CAP2: variants seen among roughly 807,000 people sequenced by gnomAD.
CAP2 encodes adenylyl cyclase-associated protein 2.
CAP2 carries 24 observed loss-of-function variants against 57.7 expected under a neutral mutation model. That is an observed-to-expected ratio of 0.42 (90% CI 0.30 to 0.58). CAP2 has a LOEUF of 0.58. Among genes scored for constraint, CAP2 ranks in the 20% least tolerant of loss-of-function variants. The probability of loss-of-function intolerance (pLI) is 0.22; values close to 1 mark genes in which losing one functional copy is unlikely to be tolerated. For missense variants in CAP2, 501 were observed against 590.3 expected (o/e 0.85, Z 1.57); for synonymous variants, 194 against 207.2 (o/e 0.94, Z 0.55).
At chr6:17,548,036 A>T (rs1763091059) in intron 11 of CAP2, among the ~76,000 whole-genome samples, 1 of 151,998 alleles carries the variant, frequency 6.6e-6, no homozygotes, top group Admixed American at 6.6e-5. Context: ...ACATGCAAAA[A>T]TCAATAGCAT....
chr6:17,424,353 T>TTG (rs1759527199), intron 2 of CAP2, among the ~76,000 whole-genome samples: 1 of 152,096 alleles, frequency 6.6e-6, no homozygotes, highest in African/African-American at 2.4e-5. Context: ...TGAGCCGAGA[T>TTG]CGCGCCACTG....
intron 4 of CAP2, among the ~76,000 whole-genome samples, chr6:17,497,383 G>A (rs1450523571): frequency 6.6e-6 from 1 of 152,176 alleles, no homozygotes; most frequent in Non-Finnish European, 1.5e-5. Flanking sequence ...GTAAGAGTTG[G>A]TATCTTCTCA....
At chr6:17,533,770 G>T (rs764893245) in intron 7 of CAP2, among the ~76,000 whole-genome samples, 1 of 152,030 alleles carries the variant, frequency 6.6e-6, no homozygotes, top group Non-Finnish European at 1.5e-5. Context: ...ATTTCACCCT[G>T]TTGGCCAGGA....
At chr6:17,521,258 CA>C (rs71536733) in intron 7 of CAP2, among the ~76,000 whole-genome samples, 61 of 147,494 alleles carry the variant, frequency 4.1e-4, no homozygotes, top group African/African-American at 1.0e-3. Context: ...ACTAAAAATA[CA>C]AAAAAAAAAA....
intron 3 of CAP2, among the ~76,000 whole-genome samples, chr6:17,460,005 A>G (rs188574513): frequency 2.0e-5 from 3 of 152,366 alleles, no homozygotes; most frequent in East Asian, 3.9e-4. Context: ...TCCAGGAAAT[A>G]TACTATGGAA....
At chr6:17,491,715 G>A (rs915317179) in intron 4 of CAP2, among the ~76,000 whole-genome samples, 5 of 152,222 alleles carry the variant, frequency 3.3e-5, no homozygotes, top group Non-Finnish European at 5.9e-5. Flanking sequence ...CTAGCCAGAT[G>A]ATCTTGGGCA....
intron 4 of CAP2, among the ~76,000 whole-genome samples, chr6:17,506,678 T>G (rs1233162316): frequency 6.6e-6 from 1 of 151,216 alleles, no homozygotes; most frequent in Non-Finnish European, 1.5e-5. Flanking sequence ...CAGTGAAAGA[T>G]TTCCACTTTT....
chr6:17,464,195 G>A (rs76464554), intron 4 of CAP2, among the ~76,000 whole-genome samples: 3,699 of 152,066 alleles, frequency 0.024, 158 homozygotes, highest in African/African-American at 0.084. Context: ...AAAAAGTAGT[G>A]GCACTACCAG....
At position 17,496,025 on chromosome 6, in the gene CAP2, G is replaced by GGCGGC. The variant is rs143166425; in HGVS notation, c.301-11143_301-11142insCGGCG. ...AGCAACTGCTGTGCATGCGTGTGTG[G>GGCGGC]GTGGGGGGGGGGGGTAAGTCAGGGA... On this transcript the variant is annotated intron_variant, in intron 4 of 12. Transcript: ENST00000229922. Among the ~76,000 whole-genome samples the GGCGGC allele has an allele frequency of 4.8e-4, 53 of 110,708 alleles. 2 individuals are homozygous for GGCGGC. Among genetic ancestry groups the GGCGGC allele is most frequent in the African/African-American group, 1.5e-3 (47 of 31,002 alleles). 72.6% of individuals were successfully genotyped at this position (110,708 alleles called of 152,430 possible). A position where few individuals can be genotyped will look rare whatever the true frequency, so the allele number is the denominator to read the frequency against.
At chr6:17,509,111 G>T (rs994139711) in intron 6 of CAP2, among the ~76,000 whole-genome samples, 1 of 151,810 alleles carries the variant, frequency 6.6e-6, no homozygotes, top group Non-Finnish European at 1.5e-5. Context: ...CAGAAGAAAA[G>T]GGTCTACAAC....
At position 17,400,410 on chromosome 6, in the gene CAP2, T is replaced by C. The variant is rs142804999; in HGVS notation, c.-2+6664T>C. Among the ~76,000 whole-genome samples, 238 of 152,328 alleles carry C rather than the reference T, an allele frequency of 1.6e-3. 2 individuals carry two copies. Among genetic ancestry groups the C allele is most frequent in the African/African-American group, 5.5e-3 (229 of 41,570 alleles). ...CTCCCCCTATGTTGAGTGACTGCTA[T>C]ATCCCTAGCATCTGGGGATGCAAAA... On this transcript the variant is annotated intron_variant, in intron 1 of 12. Transcript: ENST00000229922.
At position 17,541,104 on chromosome 6, in the gene CAP2, A is replaced by G; in HGVS notation, c.958A>G (p.Lys320Glu). The G allele has an allele frequency of 6.2e-7, 1 of 1,613,998 alleles. No homozygotes were observed. Among genetic ancestry groups the G allele is most frequent in the Non-Finnish European group, 8.5e-7 (1 of 1,179,934 alleles). Reference protein sequence around the residue: ...PTSPKSYPSQKHAPVLELEGK... With the variant: ...PTSPKSYPSQEHAPVLELEGK... ...ATCTCCTAAATCTTATCCTTCTCAA[A>G]AACATGCCCCAGTGTTGGAGTTGGA... The change falls in exon 9 of 13, where the codon AAA becomes GAA. Residue 320 changes from lysine to glutamate, a missense_variant. By Grantham distance (56) the Lys-to-Glu change is moderately conservative. Transcript: ENST00000229922.
chr6:17,409,564 T>G (rs1005645879), intron 1 of CAP2, among the ~76,000 whole-genome samples: 8 of 152,152 alleles, frequency 5.3e-5, no homozygotes, highest in Non-Finnish European at 1.2e-4. Context: ...GTTGCAAAGT[T>G]CACTTCATGG....
chr6:17,425,940 C>A (rs141699061), intron 2 of CAP2, among the ~76,000 whole-genome samples: 1,822 of 151,972 alleles, frequency 0.012, 12 homozygotes, highest in Non-Finnish European at 0.017. Flanking sequence ...ACAAAAACTA[C>A]AAAAATTAAC....
chr6:17,414,285 TA>T (rs34676962), intron 1 of CAP2, among the ~76,000 whole-genome samples: 15,184 of 151,366 alleles, frequency 0.1, 2,565 homozygotes, highest in African/African-American at 0.35. Flanking sequence ...TATTTCTTCT[TA>T]AAAAAAACAC....
chr6:17,539,289 A>G lies in CAP2; in HGVS notation c.657A>G (p.Val219=). ...CTCAGGGTCCTGTAGCATCCACAGT[A>G]TCAGCGTTTTCTGTCCTCTCCTCTG... The part of the protein sequence containing the change: ...WSKTGPVAST[V]SAFSVLSSGP... The change falls in exon 8 of 13, where the codon GTA becomes GTG. Residue 219 remains valine, a synonymous_variant. Transcript: ENST00000229922. 6.2e-7 allele frequency: 1 copy of G among 1,613,608 alleles called. No individual in the cohort carries two copies. Among genetic ancestry groups the G allele is most frequent in the Non-Finnish European group, 8.5e-7 (1 of 1,179,772 alleles).
intron 1 of CAP2, among the ~76,000 whole-genome samples, chr6:17,408,083 C>T (rs183510597): frequency 4.6e-5 from 7 of 152,174 alleles, no homozygotes; most frequent in African/African-American, 1.7e-4. Flanking sequence ...TTTCAACAAA[C>T]CTTATTACTC....
At position 17,555,196 on chromosome 6, in the gene CAP2, T is replaced by C. The variant is rs9477480; in HGVS notation, c.1351-1163T>C. On this transcript the variant is annotated intron_variant, in intron 12 of 12. Transcript: ENST00000229922. ...TTTCATAAGATCCTGAATCAGAATCTGCATTTTTTTTTTCTGAGACAGAGT... is the reference window on the plus strand; with the variant it reads ...TTTCATAAGATCCTGAATCAGAATCCGCATTTTTTTTTTCTGAGACAGAGT... Among the ~76,000 whole-genome samples, 290 of 152,170 alleles carry C rather than the reference T, an allele frequency of 1.9e-3. 5 individuals carry two copies. The highest frequency in any genetic ancestry group is 6.4e-3 in the African/African-American group (267 of 41,518).
chr6:17,480,325 A>G (rs1004608900), intron 4 of CAP2, among the ~76,000 whole-genome samples: 2 of 152,172 alleles, frequency 1.3e-5, no homozygotes, highest in African/African-American at 4.8e-5. Context: ...TGACTATGCA[A>G]GGGCCCAAAA....
Sources: allele counts gnomAD v4.1 joint callset (sites outside exome capture counted in the v4.1 genomes callset), GRCh38; gene constraint gnomAD v4.1.1; transcripts MANE v1.5; gene names NCBI Gene and HGNC (gene_info 2026-07-23, HGNC 2026-07-21).